PAX7: variants seen among roughly 807,000 people sequenced by gnomAD.
The protein encoded by PAX7 is paired box protein Pax-7.
A neutral mutation model predicts 50.7 loss-of-function variants in PAX7; 18 were observed. That is an observed-to-expected ratio of 0.36 (90% CI 0.25 to 0.53). PAX7 has a LOEUF of 0.53. Among genes scored for constraint, PAX7 ranks in the 20% least tolerant of loss-of-function variants. The pLI, the probability that PAX7 is intolerant of heterozygous loss-of-function variation, is 0.93. For synonymous variants in PAX7, 310 were observed against 290.4 expected (o/e 1.07, Z -0.69); for missense variants, 644 against 702.9 (o/e 0.92, Z 0.95).
intron 1 of PAX7, among the ~76,000 whole-genome samples, chr1:18,633,691 C>T (rs1241771169): frequency 6.6e-6 from 1 of 152,218 alleles, no homozygotes; most frequent in Non-Finnish European, 1.5e-5. Context: ...GTCACCCGTC[C>T]CTCGGCTGTG....
At chr1:18,665,146 G>A (rs1325382528) in intron 4 of PAX7, among the ~76,000 whole-genome samples, 1 of 152,200 alleles carries the variant, frequency 6.6e-6, no homozygotes, top group Non-Finnish European at 1.5e-5. Context: ...GGCACAGTAA[G>A]TGCTCAGTAA....
chr1:18,651,201 G>T (rs1256842255), intron 4 of PAX7, among the ~76,000 whole-genome samples: 2 of 152,114 alleles, frequency 1.3e-5, no homozygotes, highest in Non-Finnish European at 2.9e-5. Context: ...CACATAGGAA[G>T]TACATGCTTA....
intron 4 of PAX7, among the ~76,000 whole-genome samples, chr1:18,639,852 T>C (rs2088222761): frequency 6.6e-6 from 1 of 152,126 alleles, no homozygotes; most frequent in Non-Finnish European, 1.5e-5. Context: ...ACTGACCGGA[T>C]CAGACCAGGG....
At chr1:18,720,304 G>A (rs2089478204) in intron 7 of PAX7, among the ~76,000 whole-genome samples, 1 of 152,186 alleles carries the variant, frequency 6.6e-6, no homozygotes, top group African/African-American at 2.4e-5. Flanking sequence ...AGAAAGGAAG[G>A]GGCCTGGGAG....
chr1:18,657,964 C>CTGGG (rs1260860359), intron 4 of PAX7, among the ~76,000 whole-genome samples: 1 of 152,158 alleles, frequency 6.6e-6, no homozygotes, highest in African/African-American at 2.4e-5. Context: ...AGTATATATA[C>CTGGG]TGGGCCCTTT....
At chr1:18,730,696 A>G (rs1044171855) in intron 7 of PAX7, among the ~76,000 whole-genome samples, 6 of 151,302 alleles carry the variant, frequency 4.0e-5, no homozygotes, top group African/African-American at 1.5e-4. Flanking sequence ...AACTAATTAC[A>G]TTTTTCCCAT....
chr1:18,709,645 TACAGATGAGGAA>T (rs1245827113), intron 7 of PAX7, among the ~76,000 whole-genome samples: 1 of 152,230 alleles, frequency 6.6e-6, no homozygotes, highest in African/African-American at 2.4e-5. Context: ...ACCCTCGTTT[TACAGATGAGGAA>T]ACCTTCCTTG....
intron 4 of PAX7, among the ~76,000 whole-genome samples, chr1:18,661,543 G>A (rs1042854860): frequency 2.6e-5 from 4 of 152,176 alleles, no homozygotes; most frequent in Admixed American, 1.3e-4. Flanking sequence ...CCACTGCCCC[G>A]CCCTGTAACT....
Position 18,744,441 on chromosome 1 carries a change from T to TGGAG in PAX7, c.1403-370_1403-369insGGGA, listed in dbSNP as rs1931311630. On this transcript the variant is annotated intron_variant, in intron 8 of 8. Transcript: ENST00000420770. Reference sequence around the variant, plus strand: ...ATGGATAGATGGAAGGATGGATGGATGGATGGATGGATGGATGGATGGATG... The same window carrying TGGAG: ...ATGGATAGATGGAAGGATGGATGGATGGAGGGATGGATGGATGGATGGATGGATG... 6.2e-5 allele frequency among the ~76,000 whole-genome samples: 9 copies of TGGAG among 145,342 alleles called. No individual in the cohort carries two copies. The East Asian group carries it at 1.6e-3, about 26-fold the overall frequency.
At chr1:18,676,190 T>C (rs2088819108) in intron 4 of PAX7, among the ~76,000 whole-genome samples, 1 of 152,176 alleles carries the variant, frequency 6.6e-6, no homozygotes, top group African/African-American at 2.4e-5. Context: ...CCCTGCCATC[T>C]TCGCCTTGCT....
intron 4 of PAX7, among the ~76,000 whole-genome samples, chr1:18,641,931 C>T (rs1018613343): frequency 1.8e-4 from 27 of 150,544 alleles, no homozygotes; most frequent in African/African-American, 6.1e-4. Context: ...GACTGCATCG[C>T]AGCGTTAAAC....
chr1:18,733,063 A>C (rs1479856215), intron 7 of PAX7, among the ~76,000 whole-genome samples: 1 of 152,036 alleles, frequency 6.6e-6, no homozygotes, highest in Non-Finnish European at 1.5e-5. Flanking sequence ...GTGTTGGGTG[A>C]GAAAGGAGAT....
At chr1:18,655,802 TGTGTGTGTCTGGGA>T (rs1052132188) in intron 4 of PAX7, among the ~76,000 whole-genome samples, 2 of 151,486 alleles carry the variant, frequency 1.3e-5, no homozygotes, top group Non-Finnish European at 2.9e-5. Context: ...TGTGTGTGTG[TGTGTGTGTCTGGGA>T]GTGTGTGCTC....
intron 7 of PAX7, among the ~76,000 whole-genome samples, chr1:18,717,214 C>T (rs2089437220): frequency 6.6e-6 from 1 of 152,156 alleles, no homozygotes; most frequent in South Asian, 2.1e-4. Context: ...GGCCTGGGAT[C>T]CCGAGCAGCC....
chr1:18,745,217 T>C lies in PAX7; in HGVS notation c.*288T>C. The C allele has an allele frequency of 2.2e-6, 1 of 460,492 alleles. No homozygotes were observed. Among genetic ancestry groups the C allele is most frequent in the Non-Finnish European group, 3.9e-6 (1 of 255,152 alleles). The allele number at this position is 460,492 out of a possible 1,614,324, so 28.5% of individuals were successfully genotyped here. The stretch of plus-strand genomic sequence containing the variant: ...ATCCCATGGTGGCCTCTGTGCCATC[T>C]CAGGCATGGAGATTGGGGCCCACCT... On this transcript the variant is annotated 3_prime_UTR_variant, in exon 9 of 9. Coordinates refer to ENST00000420770, the MANE Select transcript of PAX7 (RefSeq NM_001135254.2).
At chr1:18,702,209 T>C (rs2089231323) in intron 6 of PAX7, among the ~76,000 whole-genome samples, 2 of 151,454 alleles carry the variant, frequency 1.3e-5, no homozygotes, top group South Asian at 4.2e-4. Flanking sequence ...CATGGTGGCG[T>C]GCATCTGTAA....
intron 7 of PAX7, among the ~76,000 whole-genome samples, chr1:18,712,051 T>TC (rs1557545617): frequency 6.6e-6 from 1 of 151,954 alleles, no homozygotes; most frequent in East Asian, 1.9e-4. Flanking sequence ...CAGGGCTTTT[T>TC]CCCCCGGTTC....
At chr1:18,734,189 T>C (rs1181677182) in intron 7 of PAX7, among the ~76,000 whole-genome samples, 1 of 152,164 alleles carries the variant, frequency 6.6e-6, no homozygotes, top group Non-Finnish European at 1.5e-5. Context: ...CAGCCTGCTT[T>C]CTTACCCTGT....
chr1:18,635,566 G>A (rs367570763), intron 3 of PAX7, among the ~76,000 whole-genome samples: 1 of 152,054 alleles, frequency 6.6e-6, no homozygotes, highest in African/African-American at 2.4e-5. Flanking sequence ...AGGCAGGTGG[G>A]CAGGCAGGAA....
Sources: allele counts gnomAD v4.1 joint callset (sites outside exome capture counted in the v4.1 genomes callset), GRCh38; gene constraint gnomAD v4.1.1; transcripts MANE v1.5; gene names NCBI Gene and HGNC (gene_info 2026-07-23, HGNC 2026-07-21).